FOXN3: variants seen among roughly 807,000 people sequenced by gnomAD.
FOXN3 encodes forkhead box N3.
FOXN3 carries 7 observed loss-of-function variants against 38.4 expected under a neutral mutation model. The ratio of observed to expected loss-of-function variants is 0.18; its 90% confidence interval spans 0.10 to 0.34. The LOEUF (loss-of-function observed/expected upper bound fraction) is 0.34, where lower values mean the gene tolerates loss of function less well. FOXN3 is among the 10% of genes least tolerant of loss of function. FOXN3 has a pLI of 1.00. For synonymous variants in FOXN3, 230 were observed against 242.2 expected, an observed-to-expected ratio of 0.95 and a Z score of 0.47; for missense variants, 456 against 613.4, an observed-to-expected ratio of 0.74 and a Z score of 2.71.
chr14:89,352,526 AT>A (rs765490060), intron 2 of FOXN3, among the ~76,000 whole-genome samples: 4 of 152,160 alleles, frequency 2.6e-5, no homozygotes, highest in Non-Finnish European at 4.4e-5. Context: ...GTCTGGCCTG[AT>A]TCCATCAAAG....
At position 89,612,807 on chromosome 14, in the gene FOXN3, A is replaced by G. The variant is rs530963663; in HGVS notation, c.-15+6221T>C. Among the ~76,000 whole-genome samples the G allele has an allele frequency of 5.3e-5, 8 of 151,312 alleles. No individual in the cohort carries two copies. In the East Asian group the frequency reaches 1.6e-3, roughly 29 times the overall value. On this transcript the variant is annotated intron_variant, in intron 1 of 6. Coordinates refer to the FOXN3 transcript ENST00000345097. ...GCACTCCAGCCTGGGTGACAGAGTG[A>G]CAGAGTGAGACCCTGCTTAAAAAAA...
chr14:89,588,086 C>A (rs187758161), intron 1 of FOXN3, among the ~76,000 whole-genome samples: 8 of 152,220 alleles, frequency 5.3e-5, no homozygotes, highest in African/African-American at 1.9e-4. Context: ...AAAGGTTTAG[C>A]ACCATCCTCT....
intron 1 of FOXN3, among the ~76,000 whole-genome samples, chr14:89,439,978 C>G (rs1035375677): frequency 1.3e-5 from 2 of 152,136 alleles, no homozygotes; most frequent in Non-Finnish European, 2.9e-5. Flanking sequence ...AATAAACTTG[C>G]TTTCACTTTA....
chr14:89,246,542 C>CTTTTTT (rs755916666), intron 4 of FOXN3, among the ~76,000 whole-genome samples: 15,321 of 83,446 alleles, frequency 0.18, 2,989 homozygotes, highest in African/African-American at 0.23. Context: ...CAGGATGCGG[C>CTTTTTT]TTTTTTTTTT....
chr14:89,401,358 C>A (rs1016334104), intron 2 of FOXN3, among the ~76,000 whole-genome samples: 4 of 152,174 alleles, frequency 2.6e-5, no homozygotes, highest in African/African-American at 9.7e-5. Flanking sequence ...AGAAGAATCA[C>A]TTGAAGCCAG....
At chr14:89,406,163 T>C (rs1311816213) in intron 2 of FOXN3, among the ~76,000 whole-genome samples, 1 of 151,960 alleles carries the variant, frequency 6.6e-6, no homozygotes, top group African/African-American at 2.4e-5. Flanking sequence ...CCTAGGCTGG[T>C]CTCAAACTCC....
At chr14:89,263,724 G>A (rs1566942019) in intron 4 of FOXN3, 1 of 152,216 alleles carries the variant, frequency 6.6e-6, no homozygotes, top group South Asian at 2.1e-4. Flanking sequence ...CAAAGCCCTT[G>A]TATGTGTACA....
chr14:89,460,128 T>C (rs1381529046), intron 1 of FOXN3, among the ~76,000 whole-genome samples: 2 of 152,186 alleles, frequency 1.3e-5, no homozygotes, highest in Non-Finnish European at 2.9e-5. Flanking sequence ...AGCTTCTTTT[T>C]CTTGCATTTT....
rs142213999 is a variant in FOXN3 at position 89,508,508 on chromosome 14, G to A, written c.-14-96018C>T. Among the ~76,000 whole-genome samples the A allele has an allele frequency of 2.6e-3, 402 of 152,312 alleles. 6 individuals are homozygous for A. The highest frequency in any genetic ancestry group is 9.5e-3 in the African/African-American group (394 of 41,570). On this transcript the variant is annotated intron_variant, in intron 1 of 6. Coordinates refer to the FOXN3 transcript ENST00000345097. ...TGGTCTGATGGATGGGGAAAGCGGT[G>A]TTGAAAGTGGCACTCGCTCAGAAAA...
rs1210354148 is a variant in FOXN3 at position 89,506,060 on chromosome 14, A to G, written c.-14-93570T>C. 1.3e-4 allele frequency among the ~76,000 whole-genome samples: 16 copies of G among 123,110 alleles called. No homozygotes were observed. The South Asian group carries it at 1.8e-3, about 14-fold the overall frequency. The allele number at this position is 123,110 out of a possible 152,430, so 80.8% of individuals were successfully genotyped here. A position where few individuals can be genotyped will look rare whatever the true frequency, so the allele number is the denominator to read the frequency against. On this transcript the variant is annotated intron_variant, in intron 1 of 6. Coordinates refer to the FOXN3 transcript ENST00000345097. ...CCCGGCCCGGCCAGCCGCCCCGTCC[A>G]GAAGGGAGGTGGGGGGGTCAGCCCC...
chr14:89,274,377 A>G (rs986203391), intron 4 of FOXN3, among the ~76,000 whole-genome samples: 6 of 152,236 alleles, frequency 3.9e-5, no homozygotes, highest in African/African-American at 1.4e-4. Context: ...AATGGTCAGA[A>G]ACCTGAGGCA....
intron 4 of FOXN3, among the ~76,000 whole-genome samples, chr14:89,275,420 G>A (rs981124836): frequency 4.6e-5 from 7 of 152,174 alleles, no homozygotes; most frequent in South Asian, 2.1e-4. Context: ...CTTTGCCATC[G>A]CTGAGGTCTG....
At chr14:89,220,624 G>A (rs547617780) in intron 4 of FOXN3, among the ~76,000 whole-genome samples, 2 of 152,192 alleles carry the variant, frequency 1.3e-5, no homozygotes, top group African/African-American at 2.4e-5. Flanking sequence ...ATCGGGAAGA[G>A]AGCGGTGGCC....
intron 1 of FOXN3, among the ~76,000 whole-genome samples, chr14:89,581,588 C>A (rs1229481134): frequency 1.3e-5 from 2 of 152,190 alleles, no homozygotes; most frequent in African/African-American, 4.8e-5. Context: ...CCGGTACCTG[C>A]TCTTTTCCCT....
chr14:89,213,896 A>T (rs116321320), intron 4 of FOXN3, among the ~76,000 whole-genome samples: 4 of 152,234 alleles, frequency 2.6e-5, no homozygotes, highest in African/African-American at 9.6e-5. Context: ...TCTAAATTTT[A>T]TACTCACTGT....
chr14:89,243,297 GCATTTACAACAGC>G (rs2139868998), intron 4 of FOXN3, among the ~76,000 whole-genome samples: 1 of 152,314 alleles, frequency 6.6e-6, no homozygotes, highest in South Asian at 2.1e-4. Context: ...AAATAAGCAA[GCATTTACAACAGC>G]CCACAATCTC....
At chr14:89,580,625 C>T (rs181832320) in intron 1 of FOXN3, among the ~76,000 whole-genome samples, 7 of 152,306 alleles carry the variant, frequency 4.6e-5, no homozygotes, top group East Asian at 1.9e-4. Flanking sequence ...CCTGATCCCC[C>T]TCCAGAATTG....
chr14:89,383,569 C>T (rs1254304454), intron 2 of FOXN3, among the ~76,000 whole-genome samples: 1 of 152,196 alleles, frequency 6.6e-6, no homozygotes, highest in East Asian at 1.9e-4. Context: ...TTCCTTGCCT[C>T]CTCCTGGCTT....
chr14:89,447,276 T>C (rs953481990), intron 1 of FOXN3, among the ~76,000 whole-genome samples: 1 of 151,828 alleles, frequency 6.6e-6, no homozygotes, highest in African/African-American at 2.4e-5. Flanking sequence ...ATGCCTTGGA[T>C]ACCTGATGCC....
Sources: allele counts gnomAD v4.1 joint callset (sites outside exome capture counted in the v4.1 genomes callset), GRCh38; gene constraint gnomAD v4.1.1; transcripts MANE v1.5; gene names NCBI Gene and HGNC (gene_info 2026-07-23, HGNC 2026-07-21).